The following PXK variants were observed in gnomAD, a reference collection of about 807,000 sequenced individuals.
PXK encodes PX domain containing serine/threonine kinase like, also known as PX domain-containing protein kinase-like protein.
In PXK, 35 loss-of-function variants were observed where a neutral mutation model predicts 84.7. That is an observed-to-expected ratio of 0.41 (90% CI 0.32 to 0.55). PXK has a LOEUF of 0.55. Among genes scored for constraint, PXK ranks in the 20% least tolerant of loss-of-function variants. PXK has a pLI of 0.21. For missense variants in PXK, 634 were observed against 699.7 expected, an observed-to-expected ratio of 0.91 and a Z score of 1.06; for synonymous variants, 253 against 260.8, an observed-to-expected ratio of 0.97 and a Z score of 0.29.
chr3:58,409,643 C>T lies in PXK; in HGVS notation c.1395+25C>T, dbSNP rs749192139. 4 of 1,574,974 alleles carry T rather than the reference C, an allele frequency of 2.5e-6. No individual in the cohort carries two copies. In the Admixed American group the frequency reaches 7.1e-5, roughly 28 times the overall value. On this transcript the variant is annotated intron_variant, in intron 15 of 17. Coordinates refer to ENST00000356151, the MANE Select transcript of PXK (RefSeq NM_017771.5). This position sits in a 1 kb window ranked among gnomAD's most constrained non-coding sequence, Gnocchi z 4.2. ...GGTAAGCCTGCTGTCTCTCTGCAGT[C>T]CCTCTATGAGTTCTTGAGTACATGT...
rs530447381 is a variant in PXK, at chr3:58,374,389, G to A, written c.201+4911G>A. Among the ~76,000 whole-genome samples, 4 of 152,120 alleles carry A rather than the reference G, an allele frequency of 2.6e-5. No homozygotes were observed. The South Asian group carries it at 8.3e-4, about 32-fold the overall frequency. ...GGGTTTCATCATGTTGGCCAGGTTG[G>A]TCTCGAACTCCTGACCTCAGGTGAT... On this transcript the variant is annotated intron_variant, in intron 3 of 17. Coordinates refer to ENST00000356151, the MANE Select transcript of PXK (RefSeq NM_017771.5).
intron 3 of PXK, among the ~76,000 whole-genome samples, chr3:58,382,092 G>T (rs1470851279): frequency 6.6e-6 from 1 of 152,142 alleles, no homozygotes; most frequent in Non-Finnish European, 1.5e-5. Flanking sequence ...GAAGCTGGTG[G>T]ATCACTTGAG....
intron 17 of PXK, chr3:58,423,079 G>T: frequency 1.0e-6 from 1 of 985,424 alleles, no homozygotes; most frequent in Non-Finnish European, 1.2e-6. Flanking sequence ...GGCCCACTTG[G>T]TGTTGCAGTC....
intron 17 of PXK, chr3:58,413,672 T>G (rs12497250): frequency 6.6e-6 from 1 of 151,980 alleles, no homozygotes; most frequent in Admixed American, 6.6e-5. Flanking sequence ...ATAAAAACAA[T>G]TGGGACACCA....
At chr3:58,406,978 C>G (rs1329747880) in intron 13 of PXK, among the ~76,000 whole-genome samples, 1 of 152,164 alleles carries the variant, frequency 6.6e-6, no homozygotes, top group Non-Finnish European at 1.5e-5. Flanking sequence ...AACATTTAGG[C>G]TGCTTTTACC....
At chr3:58,408,350 A>G (rs937138559) in intron 13 of PXK, among the ~76,000 whole-genome samples, 6 of 152,144 alleles carry the variant, frequency 3.9e-5, no homozygotes, top group African/African-American at 1.2e-4. Context: ...TGTTTTGGCA[A>G]TTTACAGCCC....
At chr3:58,346,011 A>G (rs114540100) in intron 1 of PXK, among the ~76,000 whole-genome samples, 2,938 of 152,336 alleles carry the variant, frequency 0.019, 49 homozygotes, top group Middle Eastern at 0.058. Context: ...CATTCAGCAG[A>G]TACTGCTGTG....
intron 4 of PXK, among the ~76,000 whole-genome samples, chr3:58,387,745 C>T (rs1406442342): frequency 6.6e-6 from 1 of 152,108 alleles, no homozygotes; most frequent in East Asian, 1.9e-4. Context: ...AGGACATTCA[C>T]AGGTAATCGC....
Position 58,333,164 on chromosome 3 carries a change from C to A in PXK, c.102+74C>A. The A allele has an allele frequency of 1.1e-6, 1 of 902,834 alleles. No homozygotes were observed. Among genetic ancestry groups the A allele is most frequent in the Non-Finnish European group, 1.3e-6 (1 of 747,586 alleles). The allele number at this position is 902,834 out of a possible 1,614,324, so 55.9% of individuals were successfully genotyped here. On this transcript the variant is annotated intron_variant, in intron 1 of 17. Coordinates refer to ENST00000356151, the MANE Select transcript of PXK (RefSeq NM_017771.5). This position sits in a 1 kb window ranked among gnomAD's most constrained non-coding sequence, Gnocchi z 5.4. The stretch of plus-strand genomic sequence containing the variant: ...CGAGGGGGCTGCGGGCTGCCTGGCG[C>A]GGGCCGGGCAGGGTCGTCGGACGGA...
At chr3:58,387,076 A>G (rs1037114029) in intron 4 of PXK, among the ~76,000 whole-genome samples, 5 of 152,206 alleles carry the variant, frequency 3.3e-5, no homozygotes, top group African/African-American at 1.2e-4. Context: ...TGTTCCCTGC[A>G]GTCATTCCAT....
At chr3:58,340,758 T>C (rs545200142) in intron 1 of PXK, among the ~76,000 whole-genome samples, 6 of 151,976 alleles carry the variant, frequency 3.9e-5, no homozygotes, top group Non-Finnish European at 5.9e-5. Flanking sequence ...GGTTTACTTA[T>C]TTGGAGCAAG....
At position 58,333,533 on chromosome 3, in the gene PXK, A is replaced by T; in HGVS notation, c.102+443A>T. On this transcript the variant is annotated intron_variant, in intron 1 of 17. Transcript: ENST00000356151. This position sits in a 1 kb window ranked among gnomAD's most constrained non-coding sequence, Gnocchi z 5.4. ...GCTGAGGGTCTGGGTGATGGGGATGAGGGTGTGCCGGGCCAAATGAAGTGT... is the reference window on the plus strand; with the variant it reads ...GCTGAGGGTCTGGGTGATGGGGATGTGGGTGTGCCGGGCCAAATGAAGTGT... 1 of 456,648 alleles carries T rather than the reference A, an allele frequency of 2.2e-6. No homozygotes were observed. Among genetic ancestry groups the T allele is most frequent in the South Asian group, 1.5e-5 (1 of 64,568 alleles). 28.3% of individuals were successfully genotyped at this position (456,648 alleles called of 1,614,324 possible).
At chr3:58,374,367 T>A (rs2098419671) in intron 3 of PXK, among the ~76,000 whole-genome samples, 1 of 151,706 alleles carries the variant, frequency 6.6e-6, no homozygotes, top group Admixed American at 6.6e-5. Context: ...GAGATGGGGG[T>A]TTCATCATGT....
chr3:58,361,439 C>G (rs965802586), intron 1 of PXK, among the ~76,000 whole-genome samples: 1 of 152,096 alleles, frequency 6.6e-6, no homozygotes, highest in African/African-American at 2.4e-5. Flanking sequence ...GAGAACACTT[C>G]CATTATTGCG....
At chr3:58,373,193 T>C (rs1399701307) in intron 3 of PXK, among the ~76,000 whole-genome samples, 1 of 150,954 alleles carries the variant, frequency 6.6e-6, no homozygotes, top group Admixed American at 6.6e-5. Context: ...TTCTCCTGCC[T>C]CAGCCTCCTG....
chr3:58,376,157 G>A (rs1449435040), intron 3 of PXK, among the ~76,000 whole-genome samples: 3 of 152,204 alleles, frequency 2.0e-5, no homozygotes, highest in South Asian at 2.1e-4. Flanking sequence ...GCTCACGCCT[G>A]TAATTCCAGC....
chr3:58,422,938 TTC>T, intron 17 of PXK: 1 of 985,436 alleles, frequency 1.0e-6, no homozygotes, highest in Non-Finnish European at 1.2e-6. Flanking sequence ...CTGGAGCTCC[TTC>T]TGTTACACTA....
intron 1 of PXK, among the ~76,000 whole-genome samples, chr3:58,361,022 C>T (rs1404517341): frequency 2.6e-5 from 4 of 151,754 alleles, no homozygotes; most frequent in South Asian, 4.2e-4. Flanking sequence ...TTTGGCCGGG[C>T]GCGGTGGTTC....
intron 1 of PXK, among the ~76,000 whole-genome samples, chr3:58,348,078 TTG>T (rs1364453130): frequency 1.3e-5 from 2 of 152,100 alleles, no homozygotes; most frequent in African/African-American, 4.8e-5. Context: ...CGGCTAATTT[TTG>T]TGTCTTTTCA....
Sources: gnomAD v4.1 joint callset for allele counts (sites outside exome capture counted in the v4.1 genomes callset) on GRCh38, gnomAD v4.1.1 for gene constraint, Gnocchi (gnomAD v3.1) non-coding constraint, MANE v1.5 for transcripts, NCBI Gene and HGNC (gene_info 2026-07-23, HGNC 2026-07-21) for gene names.